Variants in ERP44 observed in about 807,000 individuals in gnomAD.
The protein encoded by ERP44 is endoplasmic reticulum protein 44.
In ERP44, 25 loss-of-function variants were observed where a neutral mutation model predicts 53.4. The ratio of observed to expected loss-of-function variants is 0.47; its 90% confidence interval spans 0.34 to 0.65. The LOEUF (loss-of-function observed/expected upper bound fraction) is 0.65, where lower values mean the gene tolerates loss of function less well. ERP44 is among the 30% of genes least tolerant of loss of function. The probability of loss-of-function intolerance (pLI) is 0.01; values close to 1 mark genes in which losing one functional copy is unlikely to be tolerated. For synonymous variants in ERP44, 145 were observed against 161.2 expected, an observed-to-expected ratio of 0.90 and a Z score of 0.76; for missense variants, 338 against 493.2, an observed-to-expected ratio of 0.69 and a Z score of 2.98.
chr9:100,032,722 C>T (rs1564094021), intron 4 of ERP44, among the ~76,000 whole-genome samples: 3 of 152,184 alleles, frequency 2.0e-5, no homozygotes, highest in African/African-American at 7.2e-5. Flanking sequence ...GACTTTTTGG[C>T]ATCCACAGAC....
intron 1 of ERP44, among the ~76,000 whole-genome samples, chr9:100,090,835 T>C (rs1328343398): frequency 6.6e-6 from 1 of 152,164 alleles, no homozygotes; most frequent in Non-Finnish European, 1.5e-5. Context: ...AAATTTTAAC[T>C]CTAACATTTT....
intron 1 of ERP44, among the ~76,000 whole-genome samples, chr9:100,067,413 C>T (rs1006137643): frequency 6.6e-6 from 1 of 152,196 alleles, no homozygotes; most frequent in African/African-American, 2.4e-5. Context: ...GGCTGGTCTC[C>T]AGCTCCTAAC....
intron 4 of ERP44, among the ~76,000 whole-genome samples, chr9:100,038,183 TAGAA>T (rs1470584118): frequency 2.6e-5 from 4 of 151,932 alleles, no homozygotes; most frequent in Admixed American, 6.6e-5. Context: ...TCACAGAAAA[TAGAA>T]AGTACACAGA....
intron 1 of ERP44, among the ~76,000 whole-genome samples, chr9:100,067,168 G>T (rs7023197): frequency 6.8e-6 from 1 of 146,718 alleles, no homozygotes; most frequent in African/African-American, 2.7e-5. Flanking sequence ...TCTCCCTCTC[G>T]CTCTCCCTCT....
chr9:100,002,113 G>A (rs1357017235), intron 10 of ERP44, among the ~76,000 whole-genome samples: 1 of 114,734 alleles, frequency 8.7e-6, no homozygotes, highest in East Asian at 2.5e-4. Context: ...ATTTTAAGCT[G>A]ATAAAAACTT....
At chr9:100,069,948 GTA>G (rs1564102925) in intron 1 of ERP44, among the ~76,000 whole-genome samples, 1 of 152,144 alleles carries the variant, frequency 6.6e-6, no homozygotes, top group Non-Finnish European at 1.5e-5. Flanking sequence ...AACAGACAAT[GTA>G]TTTTTCTCTG....
intron 4 of ERP44, among the ~76,000 whole-genome samples, chr9:100,045,106 C>T (rs998450994): frequency 1.2e-4 from 18 of 152,176 alleles, no homozygotes; most frequent in Non-Finnish European, 1.9e-4. Context: ...CTTTCAGCCT[C>T]TTCATCAGTA....
intron 4 of ERP44, among the ~76,000 whole-genome samples, chr9:100,046,583 T>C (rs965012329): frequency 6.6e-6 from 1 of 152,270 alleles, no homozygotes; most frequent in African/African-American, 2.4e-5. Context: ...ACATGTAGGC[T>C]GAAAAACCAC....
At chr9:100,022,349 TGA>T (rs1830601053) in intron 4 of ERP44, 123 bp from the exon 5 acceptor site, 3 of 626,370 alleles carry the variant, frequency 4.8e-6, no homozygotes, top group Non-Finnish European at 7.9e-6. Flanking sequence ...TGTTTTTCAG[TGA>T]GAGAGAAAAA....
At chr9:100,068,320 CGGG>C (rs1826251289) in intron 1 of ERP44, among the ~76,000 whole-genome samples, 1 of 130,668 alleles carries the variant, frequency 7.7e-6, no homozygotes, top group African/African-American at 3.1e-5. Context: ...CTGCCCCGTC[CGGG>C]AGGGAGGTGG....
chr9:100,058,907 G>A (rs898964242), intron 2 of ERP44, among the ~76,000 whole-genome samples: 7 of 152,000 alleles, frequency 4.6e-5, no homozygotes, highest in Non-Finnish European at 8.8e-5. Context: ...TTGCTTATTC[G>A]CTCTAAAGCA....
At chr9:100,040,894 AATCC>A (rs1825893191) in intron 4 of ERP44, among the ~76,000 whole-genome samples, 1 of 152,176 alleles carries the variant, frequency 6.6e-6, no homozygotes, top group Admixed American at 6.5e-5. Context: ...ATAAAAATGT[AATCC>A]CATTTACAAT....
chr9:100,009,760 C>T (rs748784857), intron 8 of ERP44, among the ~76,000 whole-genome samples: 1 of 152,194 alleles, frequency 6.6e-6, no homozygotes, highest in Non-Finnish European at 1.5e-5. Context: ...ATTTCAAATT[C>T]TAAACAAGTA....
intron 4 of ERP44, among the ~76,000 whole-genome samples, chr9:100,043,146 C>G (rs1428508792): frequency 6.7e-6 from 1 of 150,266 alleles, no homozygotes; most frequent in Admixed American, 6.6e-5. Context: ...GTAGTCCCAG[C>G]TACTCAGGAG....
intron 8 of ERP44, among the ~76,000 whole-genome samples, chr9:100,012,168 A>G (rs1302854115): frequency 3.3e-5 from 5 of 152,212 alleles, no homozygotes; most frequent in African/African-American, 1.2e-4. Context: ...GGCTTGTGTT[A>G]GAATTTTCAC....
chr9:100,031,452 T>C (rs1009275545), intron 4 of ERP44, among the ~76,000 whole-genome samples: 2 of 152,244 alleles, frequency 1.3e-5, no homozygotes, highest in Non-Finnish European at 2.9e-5. Flanking sequence ...GCTTTGTCTT[T>C]TCACAATGGT....
In ERP44 at chr9:100,064,228, T is replaced by C. The variant is rs543559694; in HGVS notation, c.58-4056A>G. Among the ~76,000 whole-genome samples, 11 of 152,340 alleles carry C rather than the reference T, an allele frequency of 7.2e-5. No individual in the cohort carries two copies. In the South Asian group the frequency reaches 2.3e-3, roughly 32 times the overall value. ...AGTACCTTGAAAGTAGAGACCACCT[T>C]ATTCAATTTTGTATCCCACAGATCA... On this transcript the variant is annotated intron_variant, in intron 1 of 11. Coordinates refer to ENST00000262455, the MANE Select transcript of ERP44 (RefSeq NM_015051.3).
chr9:100,026,777 T>G (rs1417553796), intron 4 of ERP44, among the ~76,000 whole-genome samples: 1 of 152,152 alleles, frequency 6.6e-6, no homozygotes, highest in African/African-American at 2.4e-5. Context: ...AGAAGTCAAG[T>G]AATCTTTTTT....
intron 1 of ERP44, among the ~76,000 whole-genome samples, chr9:100,076,311 A>G (rs1034535657): frequency 6.6e-6 from 1 of 152,224 alleles, no homozygotes; most frequent in Admixed American, 6.5e-5. Flanking sequence ...TACATGAGGA[A>G]GTGGCTCAAA....
Sources: allele counts gnomAD v4.1 joint callset (sites outside exome capture counted in the v4.1 genomes callset), GRCh38; gene constraint gnomAD v4.1.1; transcripts MANE v1.5; gene names NCBI Gene and HGNC (gene_info 2026-07-23, HGNC 2026-07-21).